Variants in MESP1 observed in about 807,000 individuals in gnomAD.
MESP1 encodes the protein mesoderm posterior bHLH transcription factor 1, also known as mesoderm posterior protein 1.
A neutral mutation model predicts 15.2 loss-of-function variants in MESP1; 22 were observed. The observed-to-expected ratio is 1.45, with a 90% CI of 1.04 to 2.07. The LOEUF (loss-of-function observed/expected upper bound fraction) is 2.07. Among genes scored for constraint, MESP1 ranks in the 30% most tolerant of loss-of-function variants. The pLI is 0.00. For synonymous variants in MESP1, 216 were observed against 192.6 expected (o/e 1.12, Z -1.01); for missense variants, 484 against 411.9 (o/e 1.17, Z -1.51).
chr15:89,737,819 C>G, the MESP1 span: 1 of 1,549,746 alleles, frequency 6.5e-7, no homozygotes, highest in Non-Finnish European at 8.8e-7. Context: ...ATCTCCTCCC[C>G]ACTCTGTGTC....
downstream of MESP1, among the ~76,000 whole-genome samples, chr15:89,747,031 A>T (rs1162502168): frequency 1.5e-5 from 1 of 65,188 alleles, no homozygotes. Flanking sequence ...ACACAGCCCC[A>T]CCACACACAC....
At chr15:89,743,931 G>C in the MESP1 span, among the ~76,000 whole-genome samples, 2 of 152,236 alleles carry the variant, frequency 1.3e-5, no homozygotes, top group Admixed American at 1.3e-4. Context: ...GAGTGGGAGG[G>C]AGAGGTGGCA....
Position 89,751,199 on chromosome 15 carries a change from CTCG to C in MESP1, c.30_32del (p.Glu11del). The C allele has an allele frequency of 7.9e-7, 1 of 1,261,896 alleles. No individual in the cohort carries two copies. The allele number at this position is 1,261,896 out of a possible 1,614,324, so 78.2% of individuals were successfully genotyped here. A position where few individuals can be genotyped will look rare whatever the true frequency, so the allele number is the denominator to read the frequency against. On this transcript the variant is annotated inframe_deletion, in exon 1 of 2. Coordinates refer to ENST00000300057, the MANE Select transcript of MESP1 (RefSeq NM_018670.4). Reference sequence around the variant, plus strand: ...CCCAGGCCGCAGAGAGCATCCAGGACTCGGAGAGCGGCGGGCACAGGGGCTGGG... The same window carrying C: ...CCCAGGCCGCAGAGAGCATCCAGGACGAGAGCGGCGGGCACAGGGGCTGGG...
downstream of MESP1, among the ~76,000 whole-genome samples, chr15:89,746,072 CCACACATA>C (rs562501615): frequency 0.019 from 2,797 of 149,178 alleles, 104 homozygotes; most frequent in African/African-American, 0.067. Flanking sequence ...CTCCACACCT[CCACACATA>C]CACACCTCCA....
At position 89,751,161 on chromosome 15, in the gene MESP1, C is replaced by G; in HGVS notation, c.71G>C (p.Arg24Pro). The G allele has an allele frequency of 1.6e-6, 2 of 1,267,112 alleles. No homozygotes were observed. The highest frequency in any genetic ancestry group is 9.9e-7 in the Non-Finnish European group (1 of 1,008,936). 78.5% of individuals were successfully genotyped at this position (1,267,112 alleles called of 1,614,324 possible). A position where few individuals can be genotyped will look rare whatever the true frequency, so the allele number is the denominator to read the frequency against. Reference protein sequence around the residue: ...MLSAAWGPTRRPPPSDKDCGR... With the variant: ...MLSAAWGPTRPPPPSDKDCGR... The stretch of plus-strand genomic sequence containing the variant: ...GCAGTCCTTGTCGGAGGGCGGCGGC[C>G]GCCGAGTTGGGCCCCAGGCCGCAGA... The change falls in exon 1 of 2, where the codon CGG becomes CCG. Residue 24 changes from arginine (R) to proline (P), a missense_variant. Transcript: ENST00000300057.
At chr15:89,750,311 G>C in intron 1 of MESP1, 84 bp from the exon 2 acceptor site, 4 of 1,581,204 alleles carry the variant, frequency 2.5e-6, no homozygotes, top group Non-Finnish European at 3.5e-6. Flanking sequence ...CACTCTCAGG[G>C]GGCCCCTAGC....
At chr15:89,742,126 G>A in the MESP1 span, among the ~76,000 whole-genome samples, 5 of 152,090 alleles carry the variant, frequency 3.3e-5, 1 homozygote, top group Middle Eastern at 6.8e-3. Context: ...TGTGGCTCAC[G>A]CCTGTAATCC....
At chr15:89,743,283 G>A in the MESP1 span, 27 of 1,613,886 alleles carry the variant, frequency 1.7e-5, no homozygotes, top group African/African-American at 3.3e-4. Context: ...ACAGTTGTGT[G>A]GCCCTCAGCT....
intron 1 of MESP1, 26 bp downstream of exon 1, chr15:89,750,483 G>A (rs765771788): frequency 6.7e-7 from 1 of 1,487,976 alleles, no homozygotes; most frequent in South Asian, 1.4e-5. Context: ...CACGGACGAA[G>A]GGGGCGCGGG....
At chr15:89,732,981 C>T in the MESP1 span, 27 of 1,610,418 alleles carry the variant, frequency 1.7e-5, no homozygotes, top group Non-Finnish European at 2.2e-5. Flanking sequence ...GTTTTCTGAC[C>T]GGCTTGTGTG....
downstream of MESP1, among the ~76,000 whole-genome samples, chr15:89,744,981 C>T (rs889128016): frequency 1.3e-5 from 2 of 152,164 alleles, no homozygotes; most frequent in African/African-American, 4.8e-5. Flanking sequence ...GTCAGGGCTG[C>T]GGCAGGTGTC....
At chr15:89,748,690 G>A (rs1271512924), downstream of MESP1, 1 of 152,224 alleles carries the variant, frequency 6.6e-6, no homozygotes, top group Admixed American at 6.5e-5. Context: ...TATATGAAAT[G>A]TCCTGAAAAA....
At chr15:89,740,777 C>T in the MESP1 span, among the ~76,000 whole-genome samples, 1 of 152,058 alleles carries the variant, frequency 6.6e-6, no homozygotes, top group Admixed American at 6.6e-5. Context: ...GGTGGGATTA[C>T]AGACATGAGC....
At chr15:89,748,754 G>A (rs1296939092), downstream of MESP1, 1 of 152,218 alleles carries the variant, frequency 6.6e-6, no homozygotes, top group African/African-American at 2.4e-5. Context: ...CTGGGAGTAG[G>A]GAATAGTGAG....
the MESP1 span, among the ~76,000 whole-genome samples, chr15:89,741,377 G>A: frequency 1.1e-4 from 17 of 152,000 alleles, no homozygotes; most frequent in Admixed American, 9.8e-4. Flanking sequence ...ACAGGCATGC[G>A]CCACCACACC....
the MESP1 span, chr15:89,743,550 TCTGGGGGAC>T: frequency 1.5e-6 from 1 of 651,528 alleles, no homozygotes. Flanking sequence ...AAAAGTATAA[TCTGGGGGAC>T]CTTCAACCAC....
chr15:89,734,539 G>A, the MESP1 span, among the ~76,000 whole-genome samples: 1 of 152,156 alleles, frequency 6.6e-6, no homozygotes, highest in Non-Finnish European at 1.5e-5. Flanking sequence ...GTCCCATTGG[G>A]CAAAGCACAT....
At chr15:89,746,553 CCA>C (rs1455480749), downstream of MESP1, among the ~76,000 whole-genome samples, 1 of 145,412 alleles carries the variant, frequency 6.9e-6, no homozygotes, top group Non-Finnish European at 1.5e-5. Context: ...AGCCCAACCT[CCA>C]CACATACACA....
chr15:89,748,656 A>T (rs1021012425), downstream of MESP1: 11 of 152,232 alleles, frequency 7.2e-5, no homozygotes, highest in Non-Finnish European at 1.6e-4. Context: ...CCAGACACAA[A>T]AGGCCGTATT....
Sources: allele counts gnomAD v4.1 joint callset (sites outside exome capture counted in the v4.1 genomes callset), GRCh38; gene constraint gnomAD v4.1.1; transcripts MANE v1.5; gene names NCBI Gene and HGNC (gene_info 2026-07-23, HGNC 2026-07-21).